Variants in ANKRD26 observed in about 807,000 individuals in gnomAD.
ANKRD26 encodes the protein ankyrin repeat domain-containing protein 26.
In ANKRD26, 141 loss-of-function variants were observed where a neutral mutation model predicts 208.7. That is an observed-to-expected ratio of 0.68 (90% CI 0.59 to 0.78). The LOEUF (loss-of-function observed/expected upper bound fraction) is 0.78, where lower values mean the gene tolerates loss of function less well. Among genes scored for constraint, ANKRD26 ranks in the 30% least tolerant of loss-of-function variants. The pLI is 0.00. For missense variants in ANKRD26, 1,889 were observed against 1,938.7 expected (o/e 0.97, Z 0.48); for synonymous variants, 636 against 660.4 (o/e 0.96, Z 0.57).
At chr10:27,001,250 T>C (rs1241893289), downstream of ANKRD26, among the ~76,000 whole-genome samples, 1 of 152,082 alleles carries the variant, frequency 6.6e-6, no homozygotes, top group African/African-American at 2.4e-5. Context: ...AGTTAGGGGC[T>C]GGAGTCTGGA....
chr10:27,081,949 G>C (rs558352560), intron 6 of ANKRD26, among the ~76,000 whole-genome samples: 4 of 151,464 alleles, frequency 2.6e-5, no homozygotes, highest in Non-Finnish European at 5.9e-5. Flanking sequence ...TGTTAGCCAG[G>C]CTGGTCTCGA....
Position 27,013,073 on chromosome 10 carries a change from GAAGT to G in ANKRD26, c.4758_4761del (p.Lys1586AsnfsTer33). ...GATCTGCTCTGCTGTTTTTCCACAA[GAAGT>G]TTGGTGTTGACCTCTGCTAGCCTCT... On this transcript the variant is annotated frameshift_variant, in exon 32 of 34. Coordinates refer to ENST00000376087, the MANE Select transcript of ANKRD26 (RefSeq NM_014915.3). LOFTEE classifies it high-confidence loss of function. The G allele has an allele frequency of 3.1e-6, 5 of 1,613,988 alleles. No individual in the cohort carries two copies. Among genetic ancestry groups the G allele is most frequent in the Non-Finnish European group, 4.2e-6 (5 of 1,179,930 alleles).
intron 30 of ANKRD26, among the ~76,000 whole-genome samples, chr10:27,016,456 T>C (rs1164954097): frequency 1.3e-5 from 2 of 152,166 alleles, no homozygotes; most frequent in Non-Finnish European, 2.9e-5. Flanking sequence ...TTTTAAATTT[T>C]TTAGTAGATA....
chr10:27,071,438 T>G (rs1215485095), intron 9 of ANKRD26, among the ~76,000 whole-genome samples: 1 of 151,554 alleles, frequency 6.6e-6, no homozygotes, highest in Non-Finnish European at 1.5e-5. Context: ...CTTGCCAAAG[T>G]GCTGGGATTA....
chr10:27,060,396 A>C lies in ANKRD26; in HGVS notation c.1513T>G (p.Ser505Ala). 1.2e-6 allele frequency: 2 copies of C among 1,612,994 alleles called. No individual in the cohort carries two copies. The highest frequency in any genetic ancestry group is 2.2e-5 in the South Asian group (2 of 91,022). ...HLKPTIEMKD[S>A]VPNKAGGMKD... ...ATTCCTCCTGCTTTATTTGGAACAGAATCTTTCATTTCAATGGTAGGCTGA... is the reference window on the plus strand; with the variant it reads ...ATTCCTCCTGCTTTATTTGGAACAGCATCTTTCATTTCAATGGTAGGCTGA... The change falls in exon 15 of 34, where the codon TCT (serine) becomes GCT (alanine). Residue 505 changes from serine (S) to alanine (A), a missense_variant. Transcript: ENST00000376087.
rs2054101752 is a variant in ANKRD26, at chr10:27,038,055, C to T, written c.2376-1G>A. 1 of 1,607,320 alleles carries T rather than the reference C, an allele frequency of 6.2e-7. No homozygotes were observed. The highest frequency in any genetic ancestry group is 2.2e-5 in the East Asian group (1 of 44,690). On this transcript the variant is annotated splice_acceptor_variant, in intron 21 of 33. Transcript: ENST00000376087. LOFTEE classifies it high-confidence loss of function. ...CTCTTCTTCTTGGTTTAAGCTAAAT[C>T]TGCAGTTAAATATGTTTATCTTAAA...
chr10:27,037,463 C>T (rs772808100), intron 22 of ANKRD26, 140 bp from the exon 23 acceptor site: 2 of 943,136 alleles, frequency 2.1e-6, no homozygotes, highest in Non-Finnish European at 3.1e-6. Flanking sequence ...TCAAGAATTA[C>T]TCAAATTTTA....
chr10:27,040,508 G>A (rs1429847396), intron 20 of ANKRD26, among the ~76,000 whole-genome samples: 1 of 152,172 alleles, frequency 6.6e-6, no homozygotes, highest in Non-Finnish European at 1.5e-5. Flanking sequence ...AGGGAGAGGT[G>A]GCTACACTGA....
intron 11 of ANKRD26, among the ~76,000 whole-genome samples, chr10:27,065,745 C>CAA (rs931240412): frequency 7.5e-6 from 1 of 133,836 alleles, no homozygotes; most frequent in East Asian, 2.2e-4. Flanking sequence ...AAAAAAAAAA[C>CAA]AAAAAAAACT....
At chr10:26,985,271 T>C (rs990909677) in intron 3 of ANKRD26, among the ~76,000 whole-genome samples, 2 of 152,184 alleles carry the variant, frequency 1.3e-5, no homozygotes, top group Non-Finnish European at 2.9e-5. Flanking sequence ...AAATATTTTG[T>C]GGCACCATGA....
intron 32 of ANKRD26, among the ~76,000 whole-genome samples, 187 bp downstream of exon 32, chr10:27,012,695 C>T (rs973364433): frequency 1.3e-5 from 2 of 152,078 alleles, no homozygotes; most frequent in Admixed American, 6.6e-5. Context: ...CACCTGTAAT[C>T]CCAGCTATCT....
intron 4 of ANKRD26, among the ~76,000 whole-genome samples, chr10:27,091,885 G>A (rs1210348264): frequency 6.6e-6 from 1 of 152,054 alleles, no homozygotes; most frequent in African/African-American, 2.4e-5. Flanking sequence ...TACTCAGGGG[G>A]CTGAGGCAGG....
chr10:27,024,471 AC>A lies in ANKRD26; in HGVS notation c.4060del (p.Val1354LeufsTer3). On this transcript the variant is annotated frameshift_variant, in exon 28 of 34. Coordinates refer to ENST00000376087, the MANE Select transcript of ANKRD26 (RefSeq NM_014915.3). LOFTEE classifies it high-confidence loss of function. ...CCCAGTTATCTCTCTTTCTAATTCA[AC>A]ATTTTTCTTCATTTCTTGATCCAAA... ...CNLDQEMKKN[V>X]ELEREITGFK... The A allele has an allele frequency of 1.9e-6, 3 of 1,548,334 alleles. No homozygotes were observed. The highest frequency in any genetic ancestry group is 2.7e-6 in the Non-Finnish European group (3 of 1,124,396).
In ANKRD26 at chr10:27,034,871, ATTTC is replaced by A. The variant is rs2053991883; in HGVS notation, c.3575_3578del (p.Arg1192IlefsTer4). 1 of 1,613,152 alleles carries A rather than the reference ATTTC, an allele frequency of 6.2e-7. No individual in the cohort carries two copies. Among genetic ancestry groups the A allele is most frequent in the Middle Eastern group, 1.7e-4 (1 of 6,054 alleles). On this transcript the variant is annotated frameshift_variant, in exon 24 of 34. Transcript: ENST00000376087. LOFTEE classifies it high-confidence loss of function. ...GATTACATTCACTGATTAACTCCTT[ATTTC>A]TTTCTTCTAGCAGAAGACTTTGCTT...
Position 27,044,144 on chromosome 10 carries a change from T to G in ANKRD26, c.2019+13A>C. ...TTTAAACAATAATTTTGATAATTTA[T>G]TTTTTACAGTACCTTGTTCTTTTCA... On this transcript the variant is annotated intron_variant, in intron 19 of 33. Coordinates refer to ENST00000376087, the MANE Select transcript of ANKRD26 (RefSeq NM_014915.3). 7.3e-7 allele frequency: 1 copy of G among 1,377,302 alleles called. No homozygotes were observed. The highest frequency in any genetic ancestry group is 9.9e-7 in the Non-Finnish European group (1 of 1,013,324). The allele number at this position is 1,377,302 out of a possible 1,614,324, so 85.3% of individuals were successfully genotyped here.
intron 15 of ANKRD26, among the ~76,000 whole-genome samples, chr10:27,057,829 C>T (rs924638673): frequency 7.9e-5 from 12 of 151,164 alleles, no homozygotes; most frequent in African/African-American, 2.7e-4. Flanking sequence ...CCTAGCTACT[C>T]AGGAGGCTGA....
At chr10:27,082,049 T>TAAA (rs994610726) in intron 6 of ANKRD26, among the ~76,000 whole-genome samples, 63 of 67,624 alleles carry the variant, frequency 9.3e-4, no homozygotes, top group African/African-American at 2.6e-3. Flanking sequence ...TGCAGTTATT[T>TAAA]AAAAAAAAAA....
At chr10:26,956,456 C>T in the ANKRD26 span, among the ~76,000 whole-genome samples, 1 of 151,674 alleles carries the variant, frequency 6.6e-6, no homozygotes, top group African/African-American at 2.4e-5. Flanking sequence ...AATTTTCTTC[C>T]ATTAAGTCTC....
At chr10:26,995,219 C>A in intron 4 of ANKRD26, 1 of 469,844 alleles carries the variant, frequency 2.1e-6, no homozygotes, top group South Asian at 1.6e-5. Context: ...AGCAAAACTT[C>A]ACGGAGGTTA....
Sources: allele counts gnomAD v4.1 joint callset (sites outside exome capture counted in the v4.1 genomes callset), GRCh38; gene constraint gnomAD v4.1.1; transcripts MANE v1.5; gene names NCBI Gene and HGNC (gene_info 2026-07-23, HGNC 2026-07-21).